SESTD1: variants seen among roughly 807,000 people sequenced by gnomAD.
The protein encoded by SESTD1 is SEC14 and spectrin domain containing 1, also known as SEC14 domain and spectrin repeat-containing protein 1.
In SESTD1, 43 loss-of-function variants were observed where a neutral mutation model predicts 101.7. That is an observed-to-expected ratio of 0.42 (90% CI 0.33 to 0.55). SESTD1 has a LOEUF of 0.55. SESTD1 is among the 20% of genes least tolerant of loss of function. The pLI is 0.07. For missense variants in SESTD1, 647 were observed against 815.1 expected, an observed-to-expected ratio of 0.79 and a Z score of 2.51; for synonymous variants, 283 against 286.8, an observed-to-expected ratio of 0.99 and a Z score of 0.13.
intron 1 of SESTD1, among the ~76,000 whole-genome samples, chr2:179,218,243 A>C (rs1300762995): frequency 6.6e-6 from 1 of 152,208 alleles, no homozygotes; most frequent in African/African-American, 2.4e-5. Context: ...GAATGAAGCC[A>C]ATAACAGACA....
At chr2:179,186,377 A>G (rs558799483) in intron 2 of SESTD1, among the ~76,000 whole-genome samples, 1 of 152,266 alleles carries the variant, frequency 6.6e-6, no homozygotes, top group Middle Eastern at 3.4e-3. Context: ...CTTCAAGTTG[A>G]TAACTGAAGA....
At chr2:179,164,292 T>G (rs537093715) in intron 5 of SESTD1, among the ~76,000 whole-genome samples, 3 of 152,280 alleles carry the variant, frequency 2.0e-5, no homozygotes, top group East Asian at 3.9e-4. Flanking sequence ...CAATTATGTA[T>G]AGTCTCAAAA....
At chr2:179,230,111 C>CTTTTTTTTTTTT (rs1559153333) in intron 1 of SESTD1, among the ~76,000 whole-genome samples, 3 of 80,358 alleles carry the variant, frequency 3.7e-5, no homozygotes, top group Non-Finnish European at 8.1e-5. Context: ...TGGATTGTAT[C>CTTTTTTTTTTTT]TCTTTTTTTT....
intron 5 of SESTD1, among the ~76,000 whole-genome samples, chr2:179,160,215 C>G (rs917561811): frequency 2.0e-5 from 3 of 152,040 alleles, no homozygotes; most frequent in Non-Finnish European, 2.9e-5. Context: ...AAAGTAAGAA[C>G]AAAATTAGAA....
intron 2 of SESTD1, among the ~76,000 whole-genome samples, chr2:179,185,126 T>C (rs1031589550): frequency 2.0e-5 from 3 of 151,926 alleles, no homozygotes; most frequent in Non-Finnish European, 4.4e-5. Flanking sequence ...AACAATCTTC[T>C]TGGAGGGCAA....
At chr2:179,123,668 T>TTAA in intron 12 of SESTD1, 47 bp downstream of exon 12, 1 of 988,740 alleles carries the variant, frequency 1.0e-6, no homozygotes, top group Non-Finnish European at 1.5e-6. Context: ...TAATGATATT[T>TTAA]AAAAAAAAAA....
chr2:179,118,626 A>G (rs954256368), intron 13 of SESTD1, among the ~76,000 whole-genome samples: 1 of 152,260 alleles, frequency 6.6e-6, no homozygotes, highest in African/African-American at 2.4e-5. Context: ...GGTTAAAGTA[A>G]TTCTACAATG....
intron 1 of SESTD1, among the ~76,000 whole-genome samples, chr2:179,259,294 C>T (rs548851705): frequency 2.4e-4 from 36 of 152,168 alleles, no homozygotes; most frequent in Non-Finnish European, 4.3e-4. Flanking sequence ...TGCAGTGGCG[C>T]GATCTCGGCT....
chr2:179,230,642 G>A (rs1011317201), intron 1 of SESTD1, among the ~76,000 whole-genome samples: 1 of 151,714 alleles, frequency 6.6e-6, no homozygotes. Context: ...ATGAGATAAC[G>A]CGGTAAAAAA....
intron 1 of SESTD1, among the ~76,000 whole-genome samples, chr2:179,247,398 C>A (rs926400850): frequency 6.6e-6 from 1 of 151,928 alleles, no homozygotes; most frequent in Admixed American, 6.6e-5. Context: ...ATGGAAGCTG[C>A]CCAAATATTT....
intron 1 of SESTD1, among the ~76,000 whole-genome samples, chr2:179,226,312 T>C (rs980077847): frequency 2.6e-5 from 4 of 152,146 alleles, no homozygotes; most frequent in Non-Finnish European, 5.9e-5. Context: ...AGACCAATTC[T>C]GATCACTGCA....
At chr2:179,117,893 A>C (rs1238023463) in intron 13 of SESTD1, among the ~76,000 whole-genome samples, 1 of 152,246 alleles carries the variant, frequency 6.6e-6, no homozygotes, top group Non-Finnish European at 1.5e-5. Flanking sequence ...ACAATAGTAC[A>C]CTAAAACCCA....
intron 1 of SESTD1, among the ~76,000 whole-genome samples, chr2:179,225,373 T>C: frequency 6.6e-6 from 1 of 152,206 alleles, no homozygotes; most frequent in East Asian, 1.9e-4. Flanking sequence ...TACTGTAATA[T>C]AAATAATAAA....
intron 1 of SESTD1, chr2:179,264,181 G>C (rs1487746161): frequency 6.6e-6 from 1 of 152,188 alleles, no homozygotes; most frequent in African/African-American, 2.4e-5. Context: ...ACGGAAAAGC[G>C]CGCGGCCCGG....
rs1294855068 is a variant in SESTD1, at chr2:179,108,535, T to C, written c.*1364A>G. On this transcript the variant is annotated 3_prime_UTR_variant, in exon 18 of 18. Transcript: ENST00000428443. Reference sequence around the variant, plus strand: ...GGATGTAGGGGCACTGGATGTGGATTTCTCCAAGAAGTCTGTCAGTCAGTG... The same window carrying C: ...GGATGTAGGGGCACTGGATGTGGATCTCTCCAAGAAGTCTGTCAGTCAGTG... 1 of 152,106 alleles carries C rather than the reference T, an allele frequency of 6.6e-6. No individual in the cohort carries two copies. The highest frequency in any genetic ancestry group is 6.5e-5 in the Admixed American group (1 of 15,280). The allele number at this position is 152,106 out of a possible 1,614,324, so 9.4% of individuals were successfully genotyped here.
intron 1 of SESTD1, among the ~76,000 whole-genome samples, chr2:179,249,939 A>G (rs772905624): frequency 6.6e-6 from 1 of 151,964 alleles, no homozygotes; most frequent in Non-Finnish European, 1.5e-5. Context: ...CTTACACAAA[A>G]TCGATCATGG....
intron 1 of SESTD1, among the ~76,000 whole-genome samples, chr2:179,260,639 T>C (rs1423512809): frequency 6.6e-6 from 1 of 152,190 alleles, no homozygotes; most frequent in African/African-American, 2.4e-5. Context: ...CAGAAAAAAG[T>C]GAAAAGTTTC....
At chr2:179,134,119 A>G (rs1426196351) in intron 9 of SESTD1, among the ~76,000 whole-genome samples, 1 of 152,184 alleles carries the variant, frequency 6.6e-6, no homozygotes, top group Non-Finnish European at 1.5e-5. Flanking sequence ...TGGTATCCAC[A>G]GTCTGCAGGG....
intron 3 of SESTD1, 136 bp downstream of exon 3, chr2:179,182,944 T>C: frequency 1.9e-6 from 1 of 534,026 alleles, no homozygotes; most frequent in Non-Finnish European, 3.2e-6. Context: ...AAGTCATTGA[T>C]TTTAGTATCT....
Sources: allele counts gnomAD v4.1 joint callset (sites outside exome capture counted in the v4.1 genomes callset), GRCh38; gene constraint gnomAD v4.1.1; transcripts MANE v1.5; gene names NCBI Gene and HGNC (gene_info 2026-07-23, HGNC 2026-07-21).